The following COL5A2 variants were observed in gnomAD, a reference collection of about 807,000 sequenced individuals.
The protein encoded by COL5A2 is collagen type V alpha 2 chain, also known as collagen alpha-2(V) chain.
Under a neutral mutation model 208.2 loss-of-function variants are expected in COL5A2, and 23 were observed. The ratio of observed to expected loss-of-function variants is 0.11; its 90% CI spans 0.08 to 0.16. The LOEUF (loss-of-function observed/expected upper bound fraction) is 0.16, where lower values mean the gene tolerates loss of function less well. COL5A2 is among the 10% of genes least tolerant of loss of function. The probability of loss-of-function intolerance (pLI) is 1.00; values close to 1 mark genes in which losing one functional copy is unlikely to be tolerated. For synonymous variants in COL5A2, 625 were observed against 628.5 expected, an observed-to-expected ratio of 0.99 and a Z score of 0.08; for missense variants, 1,590 against 1,956.4, an observed-to-expected ratio of 0.81 and a Z score of 3.53.
intron 44 of COL5A2, 135 bp from the exon 45 acceptor site, chr2:189,048,397 CAGA>C (rs148865884): frequency 0.013 from 9,905 of 733,932 alleles, 357 homozygotes; most frequent in Admixed American, 0.099. Context: ...CAAATGTCAG[CAGA>C]AGAACGGTTT....
intron 1 of COL5A2, among the ~76,000 whole-genome samples, chr2:189,123,479 A>G (rs1576541958): frequency 1.3e-5 from 2 of 152,164 alleles, no homozygotes. Flanking sequence ...CCTTAATCCA[A>G]TATGACTGGT....
the COL5A2 span, among the ~76,000 whole-genome samples, chr2:189,307,863 C>T: frequency 1.1e-4 from 16 of 152,132 alleles, no homozygotes; most frequent in African/African-American, 3.4e-4. Flanking sequence ...GGCACATCTG[C>T]CCATGATCTT....
chr2:189,392,948 T>C, the COL5A2 span, among the ~76,000 whole-genome samples: 3 of 152,184 alleles, frequency 2.0e-5, no homozygotes, highest in Non-Finnish European at 4.4e-5. Flanking sequence ...AAAAAGTCTG[T>C]AGTATCAGTT....
chr2:189,157,804 A>G (rs1353158148), intron 1 of COL5A2, among the ~76,000 whole-genome samples: 3 of 152,048 alleles, frequency 2.0e-5, no homozygotes, highest in African/African-American at 7.2e-5. Flanking sequence ...TATTTTTACT[A>G]TCAATGAAAT....
At position 189,056,800 on chromosome 2, in the gene COL5A2, A is replaced by G. The variant is rs945053341; in HGVS notation, c.2391+173T>C. ...ATTTAAGTTTCATTTAATTCAGGGT[A>G]AGCAAAATGAATAAACCGTGGTTGA... On this transcript the variant is annotated intron_variant, in intron 35 of 53. Coordinates refer to ENST00000374866, the MANE Select transcript of COL5A2 (RefSeq NM_000393.5). 5 of 698,786 alleles carry G rather than the reference A, an allele frequency of 7.2e-6. No homozygotes were observed. The African/African-American group carries it at 8.8e-5, about 12-fold the overall frequency. 43.3% of individuals were successfully genotyped at this position (698,786 alleles called of 1,614,324 possible). A position where few individuals can be genotyped will look rare whatever the true frequency, so the allele number is the denominator to read the frequency against.
intron 1 of COL5A2, among the ~76,000 whole-genome samples, chr2:189,112,933 A>T (rs1687312205): frequency 6.6e-6 from 1 of 152,220 alleles, no homozygotes; most frequent in African/African-American, 2.4e-5. Flanking sequence ...TCACTGAACA[A>T]TTCCATTAAG....
intron 1 of COL5A2, among the ~76,000 whole-genome samples, chr2:189,212,457 G>A (rs1222198950): frequency 6.6e-6 from 1 of 151,976 alleles, no homozygotes; most frequent in African/African-American, 2.4e-5. Context: ...GATCAACATG[G>A]TGAAACCCAG....
chr2:189,108,530 G>T (rs1687196020), intron 2 of COL5A2, among the ~76,000 whole-genome samples: 1 of 151,782 alleles, frequency 6.6e-6, no homozygotes, highest in Non-Finnish European at 1.5e-5. Flanking sequence ...ACATTCTAAA[G>T]AAGTATTTAT....
At chr2:189,342,671 AC>A in the COL5A2 span, among the ~76,000 whole-genome samples, 1 of 151,438 alleles carries the variant, frequency 6.6e-6, no homozygotes, top group East Asian at 1.9e-4. Flanking sequence ...ACACACACAC[AC>A]ACACACACAA....
At position 189,043,131 on chromosome 2, in the gene COL5A2, T is replaced by C. The variant is rs1351072286; in HGVS notation, c.3471+20A>G. 2 of 1,572,528 alleles carry C rather than the reference T, an allele frequency of 1.3e-6. No individual in the cohort carries two copies. The highest frequency in any genetic ancestry group is 2.2e-5 in the South Asian group (2 of 89,400). ...TATTTTCAACTACAGGGCAGAATAA[T>C]ACTTAAAGGAATAACTTACAGGAGG... On this transcript the variant is annotated intron_variant, in intron 48 of 53. Coordinates refer to ENST00000374866, the MANE Select transcript of COL5A2 (RefSeq NM_000393.5).
intron 1 of COL5A2, among the ~76,000 whole-genome samples, chr2:189,148,235 T>C (rs1356005239): frequency 6.6e-6 from 1 of 152,144 alleles, no homozygotes; most frequent in Non-Finnish European, 1.5e-5. Flanking sequence ...AAGATGCTAG[T>C]TTTATAGGCC....
At chr2:189,373,532 C>G in the COL5A2 span, among the ~76,000 whole-genome samples, 1 of 152,178 alleles carries the variant, frequency 6.6e-6, no homozygotes, top group Non-Finnish European at 1.5e-5. Context: ...TAAGCATGCA[C>G]TCTTCCACTC....
At position 189,046,291 on chromosome 2, in the gene COL5A2, A is replaced by G. The variant is rs143267603; in HGVS notation, c.3202-384T>C. Among the ~76,000 whole-genome samples, 270 of 152,318 alleles carry G rather than the reference A, an allele frequency of 1.8e-3. 2 individuals carry two copies. The highest frequency in any genetic ancestry group is 6.3e-3 in the African/African-American group (261 of 41,578). On this transcript the variant is annotated intron_variant, in intron 45 of 53. Coordinates refer to ENST00000374866, the MANE Select transcript of COL5A2 (RefSeq NM_000393.5). ...GACTGTGAAAACAAAGAAAATTTTA[A>G]GGAAACCACCTTCTAGATTTTCCTC...
At chr2:189,113,186 T>C (rs1002003457) in intron 1 of COL5A2, among the ~76,000 whole-genome samples, 1 of 152,134 alleles carries the variant, frequency 6.6e-6, no homozygotes, top group African/African-American at 2.4e-5. Flanking sequence ...TCCCAGCATG[T>C]TGGGAGGCCA....
the COL5A2 span, among the ~76,000 whole-genome samples, chr2:189,379,943 A>G: frequency 6.6e-6 from 1 of 152,140 alleles, no homozygotes; most frequent in Non-Finnish European, 1.5e-5. Context: ...CCTAGTAGTT[A>G]TGTAGTCATT....
chr2:189,179,446 C>CGTTAA, intron 1 of COL5A2, 62 bp downstream of exon 1: 1 of 1,558,646 alleles, frequency 6.4e-7, no homozygotes, highest in Non-Finnish European at 8.8e-7. Flanking sequence ...TGAGGCTTAA[C>CGTTAA]ATTCCACCTA....
In COL5A2 at chr2:189,110,429, C is replaced by T. The variant is rs1559108874; in HGVS notation, c.118G>A (p.Ala40Thr). The T allele has an allele frequency of 2.5e-6, 4 of 1,613,720 alleles. 1 individual carries two copies. The South Asian group carries it at 4.4e-5, about 18-fold the overall frequency. The change falls in exon 2 of 54, where the codon GCC (alanine) becomes ACC (threonine). Residue 40 changes from alanine to threonine, a missense_variant. Ala to Thr is a moderately conservative substitution (Grantham distance 58, BLOSUM62 0). Transcript: ENST00000374866. ...TACATCTGGCCATTCTGAGTGCAGG[C>T]TATTTCTTCACCATATCCTTCTAAA... ...DEDEGYGEEI[A>T]CTQNGQMYLN...
rs762420291 is a variant in COL5A2 at position 189,098,729 on chromosome 2, C to A, written c.400G>T (p.Ala134Ser). 1.1e-5 allele frequency: 18 copies of A among 1,612,118 alleles called. No homozygotes were observed. The South Asian group carries it at 1.6e-4, about 15-fold the overall frequency. Reference protein sequence around the residue: ...VTGIRGRPGPAGPPGSQGPRG... With the variant: ...VTGIRGRPGPSGPPGSQGPRG... Reference sequence around the variant, plus strand: ...GAATATTGGGAGAAACTACTTACTGCCGGTCCTGGACGACCACGTATGCCT... The same window carrying A: ...GAATATTGGGAGAAACTACTTACTGACGGTCCTGGACGACCACGTATGCCT... The change falls in exon 5 of 54, where the codon GCA (alanine) becomes TCA (serine). Residue 134 changes from alanine to serine, a missense_variant and splice_region_variant. Ala to Ser is a moderately conservative substitution (Grantham distance 99). Transcript: ENST00000374866.
chr2:189,127,271 C>T (rs1480573987), intron 1 of COL5A2, among the ~76,000 whole-genome samples: 5 of 152,036 alleles, frequency 3.3e-5, no homozygotes, highest in Admixed American at 3.3e-4. Flanking sequence ...GGTGTCTGGA[C>T]CACAGATTTC....
Sources: gnomAD v4.1 joint callset for allele counts (sites outside exome capture counted in the v4.1 genomes callset) on GRCh38, gnomAD v4.1.1 for gene constraint, MANE v1.5 for transcripts, NCBI Gene and HGNC (gene_info 2026-07-23, HGNC 2026-07-21) for gene names.